Variants in CPNE4 observed in about 807,000 individuals in gnomAD.
The protein encoded by CPNE4 is copine-4.
In CPNE4, 25 loss-of-function variants were observed where a neutral mutation model predicts 67.9. That is an observed-to-expected ratio of 0.37 (90% CI 0.27 to 0.51). CPNE4 has a LOEUF of 0.51. Among genes scored for constraint, CPNE4 ranks in the 20% least tolerant of loss-of-function variants. CPNE4 has a pLI of 0.93. For synonymous variants in CPNE4, 242 were observed against 244.9 expected (o/e 0.99, Z 0.11); for missense variants, 464 against 690.8 (o/e 0.67, Z 3.68).
intron 6 of CPNE4, among the ~76,000 whole-genome samples, chr3:131,673,079 C>A (rs1430258909): frequency 6.6e-6 from 1 of 152,058 alleles, no homozygotes; most frequent in African/African-American, 2.4e-5. Context: ...TTCCCAGCAC[C>A]ATTTATTCAA....
intron 2 of CPNE4, among the ~76,000 whole-genome samples, chr3:131,841,403 C>A (rs2085775857): frequency 6.6e-6 from 1 of 152,206 alleles, no homozygotes; most frequent in South Asian, 2.1e-4. Flanking sequence ...CAGTACCAGT[C>A]TGTGGCCTGT....
At chr3:132,033,780 C>A (rs2074291149) in intron 1 of CPNE4, among the ~76,000 whole-genome samples, 1 of 152,234 alleles carries the variant, frequency 6.6e-6, no homozygotes, top group African/African-American at 2.4e-5. Flanking sequence ...TCAGCACTCG[C>A]TTGACTTGGC....
chr3:131,596,432 C>A (rs1400943796), intron 7 of CPNE4, among the ~76,000 whole-genome samples: 1 of 142,740 alleles, frequency 7.0e-6, no homozygotes, highest in African/African-American at 2.8e-5. Flanking sequence ...ACCATCCCGG[C>A]TAAAACGGTG....
intron 1 of CPNE4, among the ~76,000 whole-genome samples, chr3:131,938,672 C>T (rs1437618389): frequency 4.6e-5 from 7 of 152,038 alleles, no homozygotes; most frequent in Non-Finnish European, 1.0e-4. Flanking sequence ...TTAAAACCAA[C>T]AGATCTTGTG....
At chr3:131,924,554 C>A (rs1219313192) in intron 1 of CPNE4, among the ~76,000 whole-genome samples, 1 of 152,090 alleles carries the variant, frequency 6.6e-6, no homozygotes, top group Non-Finnish European at 1.5e-5. Flanking sequence ...ATGCTGGCAC[C>A]TGTGTTTTAT....
chr3:131,962,024 T>C (rs9882252), intron 1 of CPNE4, among the ~76,000 whole-genome samples: 34,561 of 152,156 alleles, frequency 0.23, 4,964 homozygotes, highest in Non-Finnish European at 0.31. Flanking sequence ...CTAGCCAACA[T>C]TTTTGAGTGC....
chr3:131,861,493 C>T (rs1050266618), intron 2 of CPNE4, among the ~76,000 whole-genome samples: 8 of 151,244 alleles, frequency 5.3e-5, no homozygotes, highest in Non-Finnish European at 8.8e-5. Context: ...TGCAATGGCA[C>T]GATCTCAGCT....
At chr3:131,951,580 C>T (rs1301338371) in intron 1 of CPNE4, among the ~76,000 whole-genome samples, 2 of 141,520 alleles carry the variant, frequency 1.4e-5, no homozygotes, top group East Asian at 3.9e-4. Context: ...GTCTCCCTCT[C>T]CCTCTCTTTC....
At chr3:132,036,240 C>T (rs1441904875), upstream of CPNE4, among the ~76,000 whole-genome samples, 2 of 152,174 alleles carry the variant, frequency 1.3e-5, no homozygotes, top group Non-Finnish European at 2.9e-5. Context: ...CCACAGAAAT[C>T]CTTGGATTTG....
At chr3:131,560,898 A>G (rs889844516) in intron 11 of CPNE4, among the ~76,000 whole-genome samples, 3 of 152,048 alleles carry the variant, frequency 2.0e-5, no homozygotes, top group African/African-American at 7.2e-5. Context: ...GAATGGCTTC[A>G]ATGTACAGCC....
intron 1 of CPNE4, among the ~76,000 whole-genome samples, chr3:131,958,938 G>T (rs7431162): frequency 0.22 from 14,048 of 63,400 alleles, 4,136 homozygotes; most frequent in East Asian, 0.35. Flanking sequence ...AATCACAAAC[G>T]TGAGCCACGG....
chr3:131,865,842 T>G (rs529202048), intron 2 of CPNE4, among the ~76,000 whole-genome samples: 1 of 152,122 alleles, frequency 6.6e-6, no homozygotes, highest in Non-Finnish European at 1.5e-5. Flanking sequence ...ATGGGAAGAA[T>G]AGAAATCAGG....
intron 1 of CPNE4, among the ~76,000 whole-genome samples, chr3:132,006,474 C>G (rs11715147): frequency 6.6e-6 from 1 of 152,052 alleles, no homozygotes; most frequent in African/African-American, 2.4e-5. Context: ...CTCTAAGTAT[C>G]TACAGACTGT....
intron 3 of CPNE4, among the ~76,000 whole-genome samples, chr3:131,719,905 C>T (rs148371771): frequency 1.0e-3 from 158 of 152,338 alleles, no homozygotes; most frequent in Middle Eastern, 0.01. Context: ...GGACACACGC[C>T]TACCTCTAAA....
chr3:131,974,571 C>G (rs1040949167), intron 1 of CPNE4, among the ~76,000 whole-genome samples: 1 of 152,160 alleles, frequency 6.6e-6, no homozygotes, highest in Non-Finnish European at 1.5e-5. Flanking sequence ...AGGGCCAACT[C>G]AAATGTGATC....
At chr3:131,844,111 C>A (rs59025993) in intron 2 of CPNE4, among the ~76,000 whole-genome samples, 31,913 of 151,984 alleles carry the variant, frequency 0.21, 3,712 homozygotes, top group Admixed American at 0.33. Flanking sequence ...CACACCTCAT[C>A]CTCGTCCCCT....
intron 2 of CPNE4, among the ~76,000 whole-genome samples, chr3:131,759,369 C>G (rs2082834138): frequency 6.6e-6 from 1 of 152,168 alleles, no homozygotes; most frequent in African/African-American, 2.4e-5. Context: ...TCACTACAAG[C>G]CAAGAAATTT....
chr3:131,609,074 A>G (rs575053905), intron 7 of CPNE4, among the ~76,000 whole-genome samples: 1 of 152,152 alleles, frequency 6.6e-6, no homozygotes, highest in East Asian at 1.9e-4. Flanking sequence ...CTTGTTATAA[A>G]CTTTATTCTA....
At chr3:132,035,164 C>T (rs1025675822), upstream of CPNE4, 6 of 545,256 alleles carry the variant, frequency 1.1e-5, no homozygotes, top group African/African-American at 6.2e-5. Context: ...CTCCGTGGTC[C>T]TGCCGCGCCC....
Sources: gnomAD v4.1 joint callset for allele counts (sites outside exome capture counted in the v4.1 genomes callset) on GRCh38, gnomAD v4.1.1 for gene constraint, MANE v1.5 for transcripts, NCBI Gene and HGNC (gene_info 2026-07-23, HGNC 2026-07-21) for gene names.